The following SLC6A7 variants were observed in gnomAD, a reference collection of about 807,000 sequenced individuals.
The protein encoded by SLC6A7 is sodium-dependent proline transporter.
In SLC6A7, 58 loss-of-function variants were observed where a neutral mutation model predicts 73.1. The ratio of observed to expected loss-of-function variants is 0.79; its 90% CI spans 0.64 to 0.99. SLC6A7 has a LOEUF of 0.99. Ranked by LOEUF, SLC6A7 falls within the 50% of genes least tolerant of loss-of-function variation. The pLI, the probability that SLC6A7 is intolerant of heterozygous loss-of-function variation, is 0.00. For missense variants in SLC6A7, 783 were observed against 831.4 expected, an observed-to-expected ratio of 0.94 and a Z score of 0.72; for synonymous variants, 338 against 338.7, an observed-to-expected ratio of 1.00 and a Z score of 0.02.
At chr5:150,202,314 G>T in intron 6 of SLC6A7, 33 bp from the exon 7 acceptor site, 2 of 1,461,538 alleles carry the variant, frequency 1.4e-6, no homozygotes, top group South Asian at 1.1e-5. Context: ...TTGACCATCC[G>T]CACACCCTCC....
At position 150,209,829 on chromosome 5, in the gene SLC6A7, C is replaced by A; in HGVS notation, c.*214C>A. The A allele has an allele frequency of 3.4e-6, 2 of 585,938 alleles. No individual in the cohort carries two copies. Among genetic ancestry groups the A allele is most frequent in the Non-Finnish European group, 3.1e-6 (1 of 325,512 alleles). 36.3% of individuals were successfully genotyped at this position (585,938 alleles called of 1,614,324 possible). A position where few individuals can be genotyped will look rare whatever the true frequency, so the allele number is the denominator to read the frequency against. On this transcript the variant is annotated 3_prime_UTR_variant, in exon 14 of 14. Transcript: ENST00000230671. The stretch of plus-strand genomic sequence containing the variant: ...CACACACACACAGGCATACTCAGAC[C>A]CACTCAAAGCTGAGAATGATCCAAC...
Position 150,210,355 on chromosome 5 carries a change from A to G in SLC6A7, c.*740A>G, listed in dbSNP as rs2113994822. 1 of 153,360 alleles carries G rather than the reference A, an allele frequency of 6.5e-6. No individual in the cohort carries two copies. The highest frequency in any genetic ancestry group is 2.1e-4 in the South Asian group (1 of 4,844). The allele number at this position is 153,360 out of a possible 1,614,324, so 9.5% of individuals were successfully genotyped here. ...TTACCAGGTTACAGGAGGGTTCAAG[A>G]CAGAAGGAAAACTAACAGAGGGGGA... On this transcript the variant is annotated 3_prime_UTR_variant, in exon 14 of 14. Coordinates refer to ENST00000230671, the MANE Select transcript of SLC6A7 (RefSeq NM_014228.5).
chr5:150,205,645 A>C, intron 13 of SLC6A7, 22 bp downstream of exon 13: 2 of 1,586,900 alleles, frequency 1.3e-6, no homozygotes, highest in Non-Finnish European at 1.7e-6. Context: ...CACCCTGTCC[A>C]CTCTCAGCCT....
In SLC6A7 at chr5:150,204,622, C is replaced by A; in HGVS notation, c.1423C>A (p.Arg475=). 1.3e-5 allele frequency: 21 copies of A among 1,610,290 alleles called. No individual in the cohort carries two copies. The highest frequency in any genetic ancestry group is 1.7e-5 in the Non-Finnish European group (20 of 1,176,492). Residue 475 remains arginine, a synonymous_variant, in exon 11 of 14, where the codon CGG becomes AGG. Coordinates refer to ENST00000230671, the MANE Select transcript of SLC6A7 (RefSeq NM_014228.5). ...TATCACCACGTGCCTTGCCGTGACACGGGTGTATGGTGAGAAGAGCCGTGG... is the reference window on the plus strand; with the variant it reads ...TATCACCACGTGCCTTGCCGTGACAAGGGTGTATGGTGAGAAGAGCCGTGG... ...VVITTCLAVT[R]VYGIQRFCRD...
Position 150,190,149 on chromosome 5 carries a change from G to T in SLC6A7, c.-179G>T, listed in dbSNP as rs934815547. 10 of 502,488 alleles carry T rather than the reference G, an allele frequency of 2.0e-5. No individual in the cohort carries two copies. The highest frequency in any genetic ancestry group is 8.8e-5 in the Admixed American group (2 of 22,674). 31.1% of individuals were successfully genotyped at this position (502,488 alleles called of 1,614,324 possible). Reference sequence around the variant, plus strand: ...CTGCGCAGGGACAGACAAGGCATTCGCAGCGCCCTGCCCGCGCTCCACGCC... The same window carrying T: ...CTGCGCAGGGACAGACAAGGCATTCTCAGCGCCCTGCCCGCGCTCCACGCC... On this transcript the variant is annotated 5_prime_UTR_variant, in exon 1 of 14. Transcript: ENST00000230671.
At position 150,201,164 on chromosome 5, in the gene SLC6A7, G is replaced by T. The variant is rs200205151; in HGVS notation, c.799G>T (p.Ala267Ser). 1.9e-6 allele frequency: 3 copies of T among 1,613,154 alleles called. No homozygotes were observed. Among genetic ancestry groups the T allele is most frequent in the East Asian group, 2.2e-5 (1 of 44,840 alleles). Residue 267 changes from alanine to serine, a missense_variant, in exon 6 of 14, where the codon GCC becomes TCC. Ala to Ser is a moderately conservative substitution (Grantham distance 99). Transcript: ENST00000230671. Reference sequence around the variant, plus strand: ...GGTCCGCGGAGTCACCCTCCCAGGGGCCTGGAAGGGCATCCAGTTCTATCT... The same window carrying T: ...GGTCCGCGGAGTCACCCTCCCAGGGTCCTGGAAGGGCATCCAGTTCTATCT... ...LLVRGVTLPG[A>S]WKGIQFYLTP...
intron 2 of SLC6A7, among the ~76,000 whole-genome samples, chr5:150,196,312 C>A (rs1200089136): frequency 6.6e-6 from 1 of 152,152 alleles, no homozygotes; most frequent in East Asian, 1.9e-4. Flanking sequence ...GCCCACGGAA[C>A]CACAGGTGGC....
chr5:150,192,053 G>A (rs1435581780), intron 1 of SLC6A7, among the ~76,000 whole-genome samples: 1 of 151,820 alleles, frequency 6.6e-6, no homozygotes, highest in Non-Finnish European at 1.5e-5. Context: ...TTGGTTCTAG[G>A]TTGCTACCTC....
At position 150,194,770 on chromosome 5, in the gene SLC6A7, G is replaced by A. The variant is rs146657807; in HGVS notation, c.76G>A (p.Asp26Asn). The A allele has an allele frequency of 2.0e-5, 32 of 1,614,102 alleles. No homozygotes were observed. Among genetic ancestry groups the A allele is most frequent in the Middle Eastern group, 1.6e-4 (1 of 6,062 alleles). Residue 26 changes from aspartate to asparagine, a missense_variant, in exon 2 of 14, where the codon GAT (aspartate) becomes AAT (asparagine). Asp to Asn is a conservative substitution (Grantham distance 23). Coordinates refer to ENST00000230671, the MANE Select transcript of SLC6A7 (RefSeq NM_014228.5). ...GCTGATGACCCCCAGTGACCAGGGC[G>A]ATGTCGACCTGGATGTGGACTTTGC... ...DLLMTPSDQG[D>N]VDLDVDFAAH...
intron 12 of SLC6A7, 104 bp downstream of exon 12, chr5:150,205,031 A>T: frequency 1.4e-6 from 1 of 697,538 alleles, no homozygotes; most frequent in Non-Finnish European, 2.5e-6. Flanking sequence ...CCCGCAGTGG[A>T]GGGCTGTGGG....
Position 150,203,820 on chromosome 5 carries a change from G to GGTGTGTGGGT in SLC6A7, c.1200+48_1200+49insGGTGTGTGTG, listed in dbSNP as rs1554116762. ...GGCAGCAGGCACCCCGTGTGTGTGTGGTGTGTGTGTGTGTGTGTGTGTGTG... is the reference window on the plus strand; with the variant it reads ...GGCAGCAGGCACCCCGTGTGTGTGTGGTGTGTGGGTGTGTGTGTGTGTGTGTGTGTGTGTG... On this transcript the variant is annotated intron_variant, in intron 9 of 13. Transcript: ENST00000230671. 3.6e-4 allele frequency: 289 copies of GGTGTGTGGGT among 802,606 alleles called. 1 individual carries two copies. In the African/African-American group the frequency reaches 5.3e-3, roughly 15 times the overall value. The allele number at this position is 802,606 out of a possible 1,614,324, so 49.7% of individuals were successfully genotyped here. A position where few individuals can be genotyped will look rare whatever the true frequency, so the allele number is the denominator to read the frequency against.
In SLC6A7 at chr5:150,199,314, C is replaced by T. The variant is rs1322025405; in HGVS notation, c.671C>T (p.Ala224Val). 1.2e-5 allele frequency: 20 copies of T among 1,614,012 alleles called. No individual in the cohort carries two copies. Among genetic ancestry groups the T allele is most frequent in the Non-Finnish European group, 1.6e-5 (19 of 1,179,996 alleles). The change falls in exon 5 of 14, where the codon GCC becomes GTC. Residue 224 changes from alanine to valine, a missense_variant. Transcript: ENST00000230671. ...RWNLCLCLLL[A>V]WVIVFLCILK... ...AACCTCTGCCTCTGCCTGCTGCTGG[C>T]CTGGGTCATCGTGTTCCTCTGTATC...
rs544286578 is a variant in SLC6A7, at chr5:150,193,650, C to A, written c.34-1078C>A. Among the ~76,000 whole-genome samples, 11 of 152,288 alleles carry A rather than the reference C, an allele frequency of 7.2e-5. No individual in the cohort carries two copies. The South Asian group carries it at 2.1e-3, about 29-fold the overall frequency. The stretch of plus-strand genomic sequence containing the variant: ...CAGTGGATTCCCTCCCTCAGGGGAA[C>A]CCCCAGGTCCCTCCAAGTCCTCTCC... On this transcript the variant is annotated intron_variant, in intron 1 of 13. Coordinates refer to ENST00000230671, the MANE Select transcript of SLC6A7 (RefSeq NM_014228.5).
chr5:150,193,386 C>G (rs917585), intron 1 of SLC6A7, among the ~76,000 whole-genome samples: 85,466 of 152,086 alleles, frequency 0.56, 24,969 homozygotes, highest in African/African-American at 0.73. Flanking sequence ...GACTTTCTGA[C>G]ACAGATCACG....
At position 150,197,022 on chromosome 5, in the gene SLC6A7, G is replaced by C; in HGVS notation, c.350-20G>C. 6.2e-7 allele frequency: 1 copy of C among 1,607,754 alleles called. No homozygotes were observed. The highest frequency in any genetic ancestry group is 2.2e-5 in the East Asian group (1 of 44,858). ...CAGAGAGCTTGGCCTGGGCAGCCCA[G>C]CAGCCTCTCCCCACACCAGGCGCCG... is the stretch of plus-strand genomic sequence containing the variant. On this transcript the variant is annotated intron_variant, in intron 3 of 13. Coordinates refer to ENST00000230671, the MANE Select transcript of SLC6A7 (RefSeq NM_014228.5).
At position 150,202,607 on chromosome 5, in the gene SLC6A7, G is replaced by A. The variant is rs142379630; in HGVS notation, c.991G>A (p.Ala331Thr). The A allele has an allele frequency of 5.9e-5, 96 of 1,614,048 alleles. No individual in the cohort carries two copies. The highest frequency in any genetic ancestry group is 2.4e-4 in the South Asian group (22 of 91,084). ...RDTFIVTLGN[A>T]ITSILAGFAI... The stretch of plus-strand genomic sequence containing the variant: ...CACTTTCATCGTCACTCTGGGCAAC[G>A]CCATCACCAGCATCCTGGCTGGCTT... Residue 331 changes from alanine (A) to threonine (T), a missense_variant, in exon 8 of 14, where the codon GCC (alanine) becomes ACC (threonine). Coordinates refer to ENST00000230671, the MANE Select transcript of SLC6A7 (RefSeq NM_014228.5).
intron 5 of SLC6A7, among the ~76,000 whole-genome samples, chr5:150,199,567 A>G (rs1418428119): frequency 6.6e-6 from 1 of 152,224 alleles, no homozygotes; most frequent in African/African-American, 2.4e-5. Context: ...AGGCTGCTTT[A>G]CTAGACTGGA....
In SLC6A7 at chr5:150,209,841, G is replaced by C; in HGVS notation, c.*226G>C. 1 of 575,534 alleles carries C rather than the reference G, an allele frequency of 1.7e-6. No individual in the cohort carries two copies. The highest frequency in any genetic ancestry group is 2.9e-5 in the East Asian group (1 of 34,628). 35.7% of individuals were successfully genotyped at this position (575,534 alleles called of 1,614,324 possible). On this transcript the variant is annotated 3_prime_UTR_variant, in exon 14 of 14. Transcript: ENST00000230671. ...GGCATACTCAGACCCACTCAAAGCTGAGAATGATCCAACTCAGCCCTACTT... is the reference window on the plus strand; with the variant it reads ...GGCATACTCAGACCCACTCAAAGCTCAGAATGATCCAACTCAGCCCTACTT...
Position 150,202,574 on chromosome 5 carries a change from G to A in SLC6A7, c.963-5G>A, listed in dbSNP as rs1484386266. On this transcript the variant is annotated splice_polypyrimidine_tract_variant and splice_region_variant and intron_variant, in intron 7 of 13. Coordinates refer to ENST00000230671, the MANE Select transcript of SLC6A7 (RefSeq NM_014228.5). ...CCTGGCCCGCACCTGGACTTCTTCT[G>A]GTAGAGACACTTTCATCGTCACTCT... 3 of 1,614,130 alleles carry A rather than the reference G, an allele frequency of 1.9e-6. No individual in the cohort carries two copies. Among genetic ancestry groups the A allele is most frequent in the Non-Finnish European group, 2.5e-6 (3 of 1,179,986 alleles).
Sources: allele counts gnomAD v4.1 joint callset (sites outside exome capture counted in the v4.1 genomes callset), GRCh38; gene constraint gnomAD v4.1.1; transcripts MANE v1.5; gene names NCBI Gene and HGNC (gene_info 2026-07-23, HGNC 2026-07-21).